GLI2: variants seen among roughly 807,000 people sequenced by gnomAD.
The protein encoded by GLI2 is GLI family zinc finger 2.
A neutral mutation model predicts 78.9 loss-of-function variants in GLI2; 22 were observed. The observed-to-expected ratio is 0.28, with a 90% CI of 0.20 to 0.40. The LOEUF (loss-of-function observed/expected upper bound fraction) is 0.40. GLI2 is among the 10% of genes least tolerant of loss of function. The pLI, the probability that GLI2 is intolerant of heterozygous loss-of-function variation, is 1.00. For missense variants in GLI2, 2,097 were observed against 2,213.2 expected, an observed-to-expected ratio of 0.95 and a Z score of 1.05; for synonymous variants, 974 against 963.7, an observed-to-expected ratio of 1.01 and a Z score of -0.20.
rs1287141953 is a variant in GLI2, at chr2:120,843,291, C to T, written c.148+45823C>T. On this transcript the variant is annotated intron_variant, in intron 2 of 13. Transcript: ENST00000361492. ...ACCTTTGGCTCAGGCGGTGAAGTCA[C>T]TTTCCCAAGATCCCATAGGCAGGAT... is the stretch of plus-strand genomic sequence containing the variant. Among the ~76,000 whole-genome samples, 4 of 152,188 alleles carry T rather than the reference C, an allele frequency of 2.6e-5. No homozygotes were observed. The East Asian group carries it at 7.7e-4, about 29-fold the overall frequency.
At chr2:120,964,124 C>G (rs1032889133) in intron 5 of GLI2, among the ~76,000 whole-genome samples, 5 of 152,194 alleles carry the variant, frequency 3.3e-5, no homozygotes, top group Non-Finnish European at 5.9e-5. Context: ...AGCTCACCCC[C>G]ACCCTTGTTT....
rs757358215 is a variant in GLI2, at chr2:120,989,541, C to G, written c.3576C>G (p.Ser1192Arg). 5.6e-6 allele frequency: 9 copies of G among 1,612,364 alleles called. No homozygotes were observed. Among genetic ancestry groups the G allele is most frequent in the South Asian group, 1.1e-5 (1 of 91,012 alleles). Residue 1192 changes from serine (S) to arginine (R), a missense_variant, in exon 14 of 14, where the codon AGC (serine) becomes AGG (arginine). Physicochemically the swap from Ser to Arg is moderately radical, Grantham distance 110. Coordinates refer to ENST00000361492, the MANE Select transcript of GLI2 (RefSeq NM_001374353.1). ...DSTQPHLQPR[S>R]GAPSQGIPRV... ...CGCAGCCACACCTGCAGCCCCGCAG[C>G]GGAGCCCCCTCCCAGGGCATCCCCA...
chr2:120,989,463 C>T lies in GLI2; in HGVS notation c.3498C>T (p.Tyr1166=). The T allele has an allele frequency of 6.2e-7, 1 of 1,613,112 alleles. No individual in the cohort carries two copies. The highest frequency in any genetic ancestry group is 8.5e-7 in the Non-Finnish European group (1 of 1,179,988). Residue 1166 remains tyrosine (Y), a synonymous_variant, in exon 14 of 14, where the codon TAC becomes TAT. Transcript: ENST00000361492. ...AGCAGAAGCCTGCCTTTGGCCAGTA[C>T]CCGGGCTACAGTCCGCAAGGCCTAC... ...VVQQKPAFGQ[Y]PGYSPQGLQA...
intron 3 of GLI2, among the ~76,000 whole-genome samples, chr2:120,942,913 C>G (rs1680527071): frequency 6.6e-6 from 1 of 150,888 alleles, no homozygotes; most frequent in Non-Finnish European, 1.5e-5. Flanking sequence ...CACCCTCACT[C>G]ACTCATTCAT....
intron 5 of GLI2, among the ~76,000 whole-genome samples, chr2:120,963,859 CA>C (rs1209681297): frequency 5.3e-5 from 8 of 152,366 alleles, no homozygotes; most frequent in Admixed American, 5.2e-4. Context: ...AATTACTTAA[CA>C]CTTTAAAGTT....
rs1217724427 is a variant in GLI2, at chr2:120,990,208, C to T, written c.4243C>T (p.Pro1415Ser). The T allele has an allele frequency of 6.2e-7, 1 of 1,613,560 alleles. No individual in the cohort carries two copies. Among genetic ancestry groups the T allele is most frequent in the South Asian group, 1.1e-5 (1 of 91,084 alleles). Residue 1415 changes from proline to serine, a missense_variant, in exon 14 of 14, where the codon CCT (proline) becomes TCT (serine). By Grantham distance (74) the Pro-to-Ser change is moderately conservative. Coordinates refer to ENST00000361492, the MANE Select transcript of GLI2 (RefSeq NM_001374353.1). The stretch of plus-strand genomic sequence containing the variant: ...CATGGGGTCGGTGCCTCCCCAGCCG[C>T]CTCCGCAGGACGCAGGTGGGGCCCC... Reference protein sequence around the residue: ...GNMGSVPPQPPPQDAGGAPDH... With the variant: ...GNMGSVPPQPSPQDAGGAPDH...
At chr2:120,825,629 T>C (rs1245878848) in intron 2 of GLI2, among the ~76,000 whole-genome samples, 1 of 151,896 alleles carries the variant, frequency 6.6e-6, no homozygotes, top group Non-Finnish European at 1.5e-5. Context: ...TGCACCTGAC[T>C]GTGAGCGTGC....
chr2:120,875,400 G>A (rs544097306), intron 2 of GLI2, among the ~76,000 whole-genome samples: 91 of 152,370 alleles, frequency 6.0e-4, no homozygotes, highest in Admixed American at 2.2e-3. Context: ...CCACAGTGCT[G>A]CTCACTTGGA....
chr2:120,752,718 G>T (rs558781853), intron 1 of GLI2, among the ~76,000 whole-genome samples: 6 of 152,292 alleles, frequency 3.9e-5, no homozygotes, highest in African/African-American at 1.4e-4. Context: ...AAGAATGCTA[G>T]TTTTTTGTGT....
chr2:120,927,572 G>A (rs539766709), intron 3 of GLI2, 106 bp downstream of exon 3: 1 of 809,848 alleles, frequency 1.2e-6, no homozygotes, highest in East Asian at 2.4e-5. Context: ...TTCTTTTGGG[G>A]GTTCCTGATC....
chr2:120,931,278 G>A lies in GLI2; in HGVS notation c.254+3812G>A, dbSNP rs149228407. Among the ~76,000 whole-genome samples the A allele has an allele frequency of 2.5e-3, 374 of 152,280 alleles. 2 individuals carry two copies. The highest frequency in any genetic ancestry group is 8.3e-3 in the African/African-American group (345 of 41,546). ...CCTGCATTCCTTGGCTTACAGCCCC[G>A]TCCTCACACACATCACCTTTTCCCC... On this transcript the variant is annotated intron_variant, in intron 3 of 13. Coordinates refer to ENST00000361492, the MANE Select transcript of GLI2 (RefSeq NM_001374353.1).
intron 2 of GLI2, among the ~76,000 whole-genome samples, chr2:120,837,497 A>G (rs1686674347): frequency 6.6e-6 from 1 of 151,712 alleles, no homozygotes. Context: ...TGGTTTATTG[A>G]GACAACGGTT....
rs41279790 is a variant in GLI2, at chr2:120,982,917, G to A, written c.1632+37G>A. On this transcript the variant is annotated intron_variant, in intron 11 of 13. Coordinates refer to ENST00000361492, the MANE Select transcript of GLI2 (RefSeq NM_001374353.1). ...GGGCATGCACTGGGCATGCACACTG[G>A]GGCCCCACTGACGCCCCATGGCTTC... The A allele has an allele frequency of 0.014, 22,087 of 1,602,258 alleles. 155 individuals carry two copies. The highest frequency in any genetic ancestry group is 0.016 in the Non-Finnish European group (19,276 of 1,171,132).
chr2:120,983,946 G>GGT (rs5833859), intron 11 of GLI2, among the ~76,000 whole-genome samples: 5,015 of 143,174 alleles, frequency 0.035, 256 homozygotes, highest in African/African-American at 0.12. Context: ...TGGTGTGTGG[G>GGT]GTGTGTGTGT....
intron 3 of GLI2, among the ~76,000 whole-genome samples, chr2:120,930,284 G>A (rs1341066443): frequency 6.6e-6 from 1 of 152,204 alleles, no homozygotes; most frequent in Non-Finnish European, 1.5e-5. Flanking sequence ...TGCTGTAAAT[G>A]CTTTTATGTG....
At chr2:120,919,870 G>T (rs1307640073) in intron 2 of GLI2, among the ~76,000 whole-genome samples, 1 of 152,232 alleles carries the variant, frequency 6.6e-6, no homozygotes, top group African/African-American at 2.4e-5. Flanking sequence ...GAAGGATGGG[G>T]ATCCAGGCCC....
Position 120,984,802 on chromosome 2 carries a change from AC to A in GLI2, c.1905+63del, listed in dbSNP as rs1682894649. ...CGACTCCATAGCCGTGCCCAGGGCC[AC>A]CCCTTGCCACGGTTGCGGGCTCTGC... On this transcript the variant is annotated intron_variant, in intron 12 of 13. Coordinates refer to ENST00000361492, the MANE Select transcript of GLI2 (RefSeq NM_001374353.1). 7.6e-6 allele frequency: 12 copies of A among 1,568,886 alleles called. No homozygotes were observed. The Admixed American group carries it at 1.0e-4, about 13-fold the overall frequency.
chr2:120,739,275 C>T (rs1007218112), intron 1 of GLI2, among the ~76,000 whole-genome samples: 1 of 152,170 alleles, frequency 6.6e-6, no homozygotes, highest in Non-Finnish European at 1.5e-5. Flanking sequence ...CATTGTCCCC[C>T]ACCCCTGCCC....
intron 5 of GLI2, among the ~76,000 whole-genome samples, chr2:120,964,682 C>T (rs1681749920): frequency 6.6e-6 from 1 of 152,228 alleles, no homozygotes; most frequent in Non-Finnish European, 1.5e-5. Flanking sequence ...GAGTGTGGGG[C>T]TGGCTGTGCC....
Sources: allele counts gnomAD v4.1 joint callset (sites outside exome capture counted in the v4.1 genomes callset), GRCh38; gene constraint gnomAD v4.1.1; transcripts MANE v1.5; gene names NCBI Gene and HGNC (gene_info 2026-07-23, HGNC 2026-07-21).